Variants in RAP2A observed in about 807,000 individuals in gnomAD.
RAP2A encodes the protein RAP2A, member of RAS oncogene family.
A neutral mutation model predicts 15.1 loss-of-function variants in RAP2A; 5 were observed. That is an observed-to-expected ratio of 0.33 (90% CI 0.17 to 0.70). RAP2A has a LOEUF of 0.70. Ranked by LOEUF, RAP2A falls within the 30% of genes least tolerant of loss-of-function variation. RAP2A has a pLI of 0.68. For synonymous variants in RAP2A, 110 were observed against 99.7 expected, an observed-to-expected ratio of 1.10 and a Z score of -0.62; for missense variants, 111 against 240.3, an observed-to-expected ratio of 0.46 and a Z score of 3.56.
intron 1 of RAP2A, among the ~76,000 whole-genome samples, chr13:97,460,542 TG>T (rs1374507348): frequency 6.6e-6 from 1 of 152,128 alleles, no homozygotes; most frequent in Non-Finnish European, 1.5e-5. Flanking sequence ...CCCACCATAT[TG>T]CTAAAACAGA....
chr13:97,448,635 G>A (rs1309004883), intron 1 of RAP2A, among the ~76,000 whole-genome samples: 1 of 152,182 alleles, frequency 6.6e-6, no homozygotes, highest in East Asian at 1.9e-4. Flanking sequence ...TCTAGATCCA[G>A]CTCTCTCTTG....
At chr13:97,439,972 C>CT in intron 1 of RAP2A, among the ~76,000 whole-genome samples, 1 of 152,182 alleles carries the variant, frequency 6.6e-6, no homozygotes, top group South Asian at 2.1e-4. Flanking sequence ...ATTGTTTACA[C>CT]TTTCCCCCTT....
At chr13:97,446,405 C>T (rs536276183) in intron 1 of RAP2A, among the ~76,000 whole-genome samples, 1 of 152,112 alleles carries the variant, frequency 6.6e-6, no homozygotes, top group Non-Finnish European at 1.5e-5. Flanking sequence ...TAAACAAATC[C>T]TCATGAACTG....
At chr13:97,440,099 AAAGATGTCTGTCCC>A (rs2066650885) in intron 1 of RAP2A, among the ~76,000 whole-genome samples, 1 of 152,182 alleles carries the variant, frequency 6.6e-6, no homozygotes, top group Non-Finnish European at 1.5e-5. Flanking sequence ...GTATACATCA[AAAGATGTCTGTCCC>A]AAGTAAGTGA....
intron 1 of RAP2A, among the ~76,000 whole-genome samples, chr13:97,454,470 G>T (rs968712033): frequency 6.6e-6 from 1 of 150,432 alleles, no homozygotes; most frequent in African/African-American, 2.5e-5. Flanking sequence ...AATGGTTGTT[G>T]TAGGTATTAC....
intron 1 of RAP2A, chr13:97,441,796 C>T: frequency 4.5e-6 from 2 of 444,818 alleles, no homozygotes; most frequent in South Asian, 1.6e-5. Context: ...GTTTTAAGTA[C>T]TCTAAGTTTT....
At chr13:97,451,578 G>A (rs774959819) in intron 1 of RAP2A, among the ~76,000 whole-genome samples, 1 of 152,152 alleles carries the variant, frequency 6.6e-6, no homozygotes, top group Non-Finnish European at 1.5e-5. Flanking sequence ...TTCTGTCGAT[G>A]GGGCATCTGG....
intron 1 of RAP2A, among the ~76,000 whole-genome samples, chr13:97,462,408 A>T (rs905505122): frequency 1.3e-5 from 2 of 152,154 alleles, no homozygotes; most frequent in Admixed American, 6.5e-5. Flanking sequence ...AAGAGAGTTT[A>T]TATGCAAAGT....
chr13:97,454,057 C>T (rs1334443438), intron 1 of RAP2A, among the ~76,000 whole-genome samples: 6 of 151,026 alleles, frequency 4.0e-5, no homozygotes, highest in South Asian at 2.1e-4. Flanking sequence ...CTTGTCGGAT[C>T]GATGTTTTGA....
Position 97,467,979 on chromosome 13 carries a change from T to G in RAP2A, c.*3537T>G, listed in dbSNP as rs1001942719. 2 of 152,450 alleles carry G rather than the reference T, an allele frequency of 1.3e-5. No individual in the cohort carries two copies. Among genetic ancestry groups the G allele is most frequent in the East Asian group, 1.9e-4 (1 of 5,190 alleles). The allele number at this position is 152,450 out of a possible 1,614,324, so 9.4% of individuals were successfully genotyped here. On this transcript the variant is annotated 3_prime_UTR_variant, in exon 2 of 2. Coordinates refer to ENST00000245304, the MANE Select transcript of RAP2A (RefSeq NM_021033.7). ...AGTTAAATTATTTTAACAAATAAAT[T>G]TATTTAATGAAACTCTGGATTTGCT...
intron 1 of RAP2A, among the ~76,000 whole-genome samples, chr13:97,435,465 CAAAAA>C (rs35791914): frequency 3.1e-5 from 2 of 63,640 alleles, no homozygotes; most frequent in Non-Finnish European, 6.0e-5. Flanking sequence ...TAACCCCTTC[CAAAAA>C]AAAAAAAAAA....
At chr13:97,460,019 G>A (rs2066739839) in intron 1 of RAP2A, among the ~76,000 whole-genome samples, 1 of 152,188 alleles carries the variant, frequency 6.6e-6, no homozygotes, top group Non-Finnish European at 1.5e-5. Context: ...ATAGCCTTCA[G>A]TATTCACGTA....
chr13:97,434,893 CA>C, intron 1 of RAP2A, 109 bp downstream of exon 1: 1 of 1,435,330 alleles, frequency 7.0e-7, no homozygotes, highest in Non-Finnish European at 9.4e-7. Flanking sequence ...GGGGTGGCTC[CA>C]AGCTGGAGGC....
At chr13:97,438,673 C>G (rs987169239) in intron 1 of RAP2A, among the ~76,000 whole-genome samples, 2 of 152,096 alleles carry the variant, frequency 1.3e-5, no homozygotes, top group African/African-American at 4.8e-5. Context: ...CCTTACTAAA[C>G]TTTATGCCTC....
chr13:97,458,800 AAC>A, intron 1 of RAP2A, among the ~76,000 whole-genome samples: 1 of 152,182 alleles, frequency 6.6e-6, no homozygotes, highest in Non-Finnish European at 1.5e-5. Flanking sequence ...TATTTTGATA[AAC>A]ACATCAAGTT....
At chr13:97,456,088 C>T (rs1038258876) in intron 1 of RAP2A, among the ~76,000 whole-genome samples, 1 of 145,202 alleles carries the variant, frequency 6.9e-6, no homozygotes, top group Non-Finnish European at 1.5e-5. Flanking sequence ...TGCCCCAGCT[C>T]TGCTATCACT....
intron 1 of RAP2A, among the ~76,000 whole-genome samples, chr13:97,463,185 T>C (rs756717890): frequency 1.4e-4 from 22 of 152,176 alleles, no homozygotes; most frequent in Non-Finnish European, 2.5e-4. Context: ...TGAAAATATA[T>C]TAGCTATCTT....
chr13:97,463,951 A>G (rs1028656399), intron 1 of RAP2A, among the ~76,000 whole-genome samples: 1 of 152,236 alleles, frequency 6.6e-6, no homozygotes, highest in Admixed American at 6.5e-5. Context: ...ATATCTGGAA[A>G]GGTAAATTGA....
chr13:97,446,974 AGTT>A (rs1211540932), intron 1 of RAP2A, among the ~76,000 whole-genome samples: 1 of 152,240 alleles, frequency 6.6e-6, no homozygotes, highest in African/African-American at 2.4e-5. Context: ...ATGCAGCAGT[AGTT>A]ATCTGGAACA....
Sources: gnomAD v4.1 joint callset for allele counts (sites outside exome capture counted in the v4.1 genomes callset) on GRCh38, gnomAD v4.1.1 for gene constraint, MANE v1.5 for transcripts, NCBI Gene and HGNC (gene_info 2026-07-23, HGNC 2026-07-21) for gene names.